Variants in CTNNA2 observed in about 807,000 individuals in gnomAD.
CTNNA2 encodes catenin alpha 2, also known as catenin alpha-2.
A neutral mutation model predicts 101.0 loss-of-function variants in CTNNA2; 42 were observed. That is an observed-to-expected ratio of 0.42 (90% confidence interval 0.32 to 0.54). The LOEUF is 0.54. Ranked by LOEUF, CTNNA2 falls within the 20% of genes least tolerant of loss-of-function variation. The pLI is 0.14. For synonymous variants in CTNNA2, 450 were observed against 456.4 expected (o/e 0.99, Z 0.18); for missense variants, 871 against 1,223.1 (o/e 0.71, Z 4.29).
chr2:79,957,839 A>G (rs766974308), intron 7 of CTNNA2, among the ~76,000 whole-genome samples: 8 of 152,140 alleles, frequency 5.3e-5, no homozygotes, highest in Non-Finnish European at 1.2e-4. Context: ...CAAACTAGCC[A>G]TTTCTTTTTC....
intron 2 of CTNNA2, among the ~76,000 whole-genome samples, chr2:79,686,913 T>C (rs999266485): frequency 4.6e-5 from 7 of 152,152 alleles, no homozygotes; most frequent in African/African-American, 7.2e-5. Flanking sequence ...ACTCCATTAA[T>C]TTAAAGTGAG....
chr2:79,940,000 G>C (rs1396606338), intron 7 of CTNNA2, among the ~76,000 whole-genome samples: 1 of 152,164 alleles, frequency 6.6e-6, no homozygotes, highest in Non-Finnish European at 1.5e-5. Context: ...GCTGAGGCAG[G>C]AGAATTGCTT....
chr2:79,384,377 TCTCTCTCTC>T lies in CTNNA2; in HGVS notation c.-135+10365_-135+10373del, dbSNP rs1678073800. On this transcript the variant is annotated intron_variant, in intron 4 of 21. Coordinates refer to the CTNNA2 transcript ENST00000466387. ...CCTGGTAATTTGAATGCATATTTCT[TCTCTCTCTC>T]TCTCTCTCTCTCTCTCTCTCTCTCT... Among the ~76,000 whole-genome samples the T allele has an allele frequency of 7.4e-3, 3 of 404 alleles. No homozygotes were observed. The Admixed American group carries it at 0.075, about 10-fold the overall frequency. 0.3% of individuals were successfully genotyped at this position (404 alleles called of 152,430 possible). A position where few individuals can be genotyped will look rare whatever the true frequency, so the allele number is the denominator to read the frequency against.
At chr2:80,022,754 A>G (rs1694658449) in intron 7 of CTNNA2, among the ~76,000 whole-genome samples, 1 of 152,246 alleles carries the variant, frequency 6.6e-6, no homozygotes, top group Admixed American at 6.5e-5. Flanking sequence ...CAACTGGAAT[A>G]CAGTCTGTGA....
intron 7 of CTNNA2, among the ~76,000 whole-genome samples, chr2:79,929,615 T>G (rs138838184): frequency 5.3e-5 from 8 of 152,334 alleles, no homozygotes; most frequent in African/African-American, 1.9e-4. Context: ...TTCCCTGACA[T>G]TATCACTTTC....
intron 17 of CTNNA2, chr2:80,608,569 G>A (rs1698213591): frequency 3.3e-6 from 1 of 306,208 alleles, no homozygotes; most frequent in Non-Finnish European, 6.1e-6. Flanking sequence ...TAATTTTGTA[G>A]TCTGGAAACT....
intron 7 of CTNNA2, among the ~76,000 whole-genome samples, chr2:80,247,063 C>A (rs796403176): frequency 2.0e-5 from 3 of 152,148 alleles, no homozygotes; most frequent in African/African-American, 7.2e-5. Context: ...TGCCCAGCAC[C>A]ATAAGGCAAT....
At chr2:79,958,123 C>T (rs1056320085) in intron 7 of CTNNA2, among the ~76,000 whole-genome samples, 1 of 152,204 alleles carries the variant, frequency 6.6e-6, no homozygotes, top group Non-Finnish European at 1.5e-5. Context: ...GAACTTGACT[C>T]AATATCCCAG....
chr2:80,539,431 A>T (rs541496606), intron 9 of CTNNA2, among the ~76,000 whole-genome samples: 3 of 146,852 alleles, frequency 2.0e-5, no homozygotes, highest in Non-Finnish European at 4.5e-5. Flanking sequence ...AAAAAAAGTT[A>T]TATTCATTGA....
chr2:79,502,778 C>T (rs1025181550), intron 4 of CTNNA2, among the ~76,000 whole-genome samples: 4 of 152,094 alleles, frequency 2.6e-5, no homozygotes, highest in Non-Finnish European at 4.4e-5. Context: ...TAGTGGAAAT[C>T]ATGAAATTCC....
chr2:80,538,511 G>T (rs1233558818), intron 9 of CTNNA2, among the ~76,000 whole-genome samples: 2 of 152,072 alleles, frequency 1.3e-5, no homozygotes, highest in Non-Finnish European at 2.9e-5. Context: ...TTTTTGTCAG[G>T]TTTGTCAAAG....
chr2:79,971,051 G>A (rs1234497259), intron 7 of CTNNA2, among the ~76,000 whole-genome samples: 1 of 152,110 alleles, frequency 6.6e-6, no homozygotes, highest in Non-Finnish European at 1.5e-5. Flanking sequence ...CAAGAATTCA[G>A]GTTCTTCTGT....
intron 2 of CTNNA2, among the ~76,000 whole-genome samples, chr2:79,705,390 T>C (rs1415967075): frequency 6.6e-6 from 1 of 152,236 alleles, no homozygotes; most frequent in East Asian, 1.9e-4. Flanking sequence ...TTATTAGTTA[T>C]TGTTAATCTG....
At chr2:80,478,155 C>T (rs1559142279) in intron 9 of CTNNA2, among the ~76,000 whole-genome samples, 2 of 152,028 alleles carry the variant, frequency 1.3e-5, no homozygotes, top group Non-Finnish European at 2.9e-5. Flanking sequence ...TGACATTGAG[C>T]ATTTTTTATA....
rs542504209 is a variant in CTNNA2 at position 79,692,153 on chromosome 2, C to T, written c.102+40495C>T. The stretch of plus-strand genomic sequence containing the variant: ...ACAAAGGGCTAATATCCAGAATCTA[C>T]AAAGAACTTAAACAAACGTACAAGA... On this transcript the variant is annotated intron_variant, in intron 2 of 18. Transcript: ENST00000402739. Among the ~76,000 whole-genome samples the T allele has an allele frequency of 2.8e-4, 43 of 152,194 alleles. No individual in the cohort carries two copies. In the South Asian group the frequency reaches 5.2e-3, roughly 18 times the overall value.
chr2:80,619,909 T>A (rs1421037562), intron 18 of CTNNA2, among the ~76,000 whole-genome samples: 1 of 151,892 alleles, frequency 6.6e-6, no homozygotes, highest in Non-Finnish European at 1.5e-5. Flanking sequence ...CATGAAAAGC[T>A]GCTATTGTTT....
chr2:80,173,296 G>T (rs2148966221), intron 7 of CTNNA2, among the ~76,000 whole-genome samples: 1 of 152,204 alleles, frequency 6.6e-6, no homozygotes, highest in South Asian at 2.1e-4. Flanking sequence ...TGAAAAAAGT[G>T]GGACAAAGTG....
intron 4 of CTNNA2, among the ~76,000 whole-genome samples, chr2:79,428,892 G>C (rs923222582): frequency 6.6e-6 from 1 of 152,120 alleles, no homozygotes; most frequent in African/African-American, 2.4e-5. Context: ...GAGCGAATGA[G>C]AGATCCAGCC....
At chr2:79,902,656 T>C (rs1315475999) in intron 6 of CTNNA2, among the ~76,000 whole-genome samples, 1 of 151,474 alleles carries the variant, frequency 6.6e-6, no homozygotes, top group East Asian at 1.9e-4. Context: ...AGATGGAGTC[T>C]GGCTCTGTCG....
Sources: allele counts gnomAD v4.1 joint callset (sites outside exome capture counted in the v4.1 genomes callset), GRCh38; gene constraint gnomAD v4.1.1; transcripts MANE v1.5; gene names NCBI Gene and HGNC (gene_info 2026-07-23, HGNC 2026-07-21).